KAT2B: variants seen among roughly 807,000 people sequenced by gnomAD.
The protein encoded by KAT2B is histone acetyltransferase KAT2B.
A neutral mutation model predicts 105.9 loss-of-function variants in KAT2B; 36 were observed. The observed-to-expected ratio is 0.34, with a 90% CI of 0.26 to 0.45. KAT2B has a LOEUF of 0.45. Ranked by LOEUF, KAT2B falls within the 20% of genes least tolerant of loss-of-function variation. The probability of loss-of-function intolerance (pLI) is 1.00; values close to 1 mark genes in which losing one functional copy is unlikely to be tolerated. For missense variants in KAT2B, 820 were observed against 1,021.6 expected (o/e 0.80, Z 2.69); for synonymous variants, 397 against 377.9 (o/e 1.05, Z -0.59).
intron 1 of KAT2B, among the ~76,000 whole-genome samples, 163 bp downstream of exon 1, chr3:20,040,943 GCTT>G (rs1289041988): frequency 2.6e-5 from 4 of 152,252 alleles, no homozygotes; most frequent in South Asian, 2.1e-4. Flanking sequence ...CGCCCAATTA[GCTT>G]CTTCTTGGAT....
In KAT2B at chr3:20,095,203, A is replaced by G. The variant is rs1015952208; in HGVS notation, c.431-60A>G. On this transcript the variant is annotated intron_variant, in intron 2 of 17. Coordinates refer to ENST00000263754, the MANE Select transcript of KAT2B (RefSeq NM_003884.5). Reference sequence around the variant, plus strand: ...ATGAAAGAGGACCTTCCACTTAAAAATGGGGAATGTTTGGTTTCCAATTGA... The same window carrying G: ...ATGAAAGAGGACCTTCCACTTAAAAGTGGGGAATGTTTGGTTTCCAATTGA... 7 of 1,405,888 alleles carry G rather than the reference A, an allele frequency of 5.0e-6. No individual in the cohort carries two copies. The Admixed American group carries it at 1.1e-4, about 23-fold the overall frequency. 87.1% of individuals were successfully genotyped at this position (1,405,888 alleles called of 1,614,324 possible).
chr3:20,125,911 TTTC>T lies in KAT2B; in HGVS notation c.1422_1424del (p.Phe474del), dbSNP rs1185083933. The T allele has an allele frequency of 6.2e-7, 1 of 1,613,522 alleles. No individual in the cohort carries two copies. Among genetic ancestry groups the T allele is most frequent in the South Asian group, 1.1e-5 (1 of 91,040 alleles). The stretch of plus-strand genomic sequence containing the variant: ...CCTGTCTCTTGCATCTCAGACCAAT[TTTC>T]TGTCAGCACACTCGGCCAGGGATGA... On this transcript the variant is annotated inframe_deletion, in exon 10 of 18. Transcript: ENST00000263754.
chr3:20,128,878 A>G (rs948118266), intron 11 of KAT2B, among the ~76,000 whole-genome samples: 1 of 151,880 alleles, frequency 6.6e-6, no homozygotes, highest in East Asian at 1.9e-4. Context: ...GTGGTGGCAC[A>G]TGCCCGTAGT....
intron 12 of KAT2B, among the ~76,000 whole-genome samples, chr3:20,138,693 T>C (rs1385202387): frequency 2.0e-5 from 3 of 152,216 alleles, no homozygotes; most frequent in Admixed American, 1.3e-4. Flanking sequence ...GTTCCTTTTT[T>C]GGATTGCTAA....
chr3:20,145,190 A>G lies in KAT2B; in HGVS notation c.2005-1126A>G, dbSNP rs182823094. Among the ~76,000 whole-genome samples the G allele has an allele frequency of 5.9e-5, 9 of 152,346 alleles. No individual in the cohort carries two copies. In the East Asian group the frequency reaches 1.7e-3, roughly 29 times the overall value. On this transcript the variant is annotated intron_variant, in intron 13 of 17. Transcript: ENST00000263754. ...TATGTTACAATGACATTTTAGATAT[A>G]ATGGGTTAAATGAAATACATTATTA...
chr3:20,152,236 T>A lies in KAT2B; in HGVS notation c.2306-96T>A, dbSNP rs775794383. ...AAGCATTGGGATGATAAAAATGTAA[T>A]CAAACCAACAACATAGATTCCTTTC... On this transcript the variant is annotated intron_variant, in intron 17 of 17. Coordinates refer to ENST00000263754, the MANE Select transcript of KAT2B (RefSeq NM_003884.5). 4.0e-6 allele frequency: 3 copies of A among 747,106 alleles called. No homozygotes were observed. The South Asian group carries it at 7.0e-5, about 17-fold the overall frequency. 46.3% of individuals were successfully genotyped at this position (747,106 alleles called of 1,614,324 possible).
At chr3:20,134,513 G>A (rs886846546) in intron 11 of KAT2B, among the ~76,000 whole-genome samples, 26 of 152,040 alleles carry the variant, frequency 1.7e-4, no homozygotes, top group African/African-American at 3.6e-4. Flanking sequence ...GGTTCATGCC[G>A]TTCTCCTGCC....
At chr3:20,083,501 A>G in intron 2 of KAT2B, among the ~76,000 whole-genome samples, 1 of 152,174 alleles carries the variant, frequency 6.6e-6, no homozygotes, top group Admixed American at 6.5e-5. Flanking sequence ...GGTTGGGATT[A>G]ATTAGGAGAC....
In KAT2B at chr3:20,061,944, A is replaced by ATATATTATATATAAAACAT. The variant is rs1559513837; in HGVS notation, c.304-10388_304-10370dup. Among the ~76,000 whole-genome samples, 546 of 119,316 alleles carry ATATATTATATATAAAACAT rather than the reference A, an allele frequency of 4.6e-3. 19 individuals carry two copies. Among genetic ancestry groups the ATATATTATATATAAAACAT allele is most frequent in the Middle Eastern group, 0.01 (2 of 192 alleles). The allele number at this position is 119,316 out of a possible 152,430, so 78.3% of individuals were successfully genotyped here. A position where few individuals can be genotyped will look rare whatever the true frequency, so the allele number is the denominator to read the frequency against. On this transcript the variant is annotated intron_variant, in intron 1 of 17. Transcript: ENST00000263754. ...TTATATATCATATATAAAACATAAT[A>ATATATTATATATAAAACAT]TATATTATATATAAAACATAATATA...
intron 7 of KAT2B, among the ~76,000 whole-genome samples, chr3:20,116,474 T>C (rs1699208874): frequency 6.6e-6 from 1 of 152,194 alleles, no homozygotes. Context: ...TATACTGTTT[T>C]CTGAGTGCCA....
intron 1 of KAT2B, among the ~76,000 whole-genome samples, chr3:20,041,037 G>A (rs969974696): frequency 6.6e-6 from 1 of 152,158 alleles, no homozygotes; most frequent in East Asian, 1.9e-4. Context: ...GAGTAGCTTC[G>A]GCATCCGAGC....
chr3:20,121,224 G>A (rs907368711), intron 8 of KAT2B, among the ~76,000 whole-genome samples: 1 of 152,120 alleles, frequency 6.6e-6, no homozygotes, highest in Non-Finnish European at 1.5e-5. Flanking sequence ...TGGAAGAATC[G>A]TCTACAGTCA....
chr3:20,040,680 G>T lies in KAT2B; in HGVS notation c.203G>T (p.Gly68Val), dbSNP rs776730887. The change falls in exon 1 of 18, where the codon GGA becomes GTA. Residue 68 changes from glycine (G) to valine (V), a missense_variant. Gly to Val is a moderately radical substitution (Grantham distance 109, BLOSUM62 -3). Coordinates refer to ENST00000263754, the MANE Select transcript of KAT2B (RefSeq NM_003884.5). Reference sequence around the variant, plus strand: ...GCAGCGGGCACGGCCGAAGGACCGGGAGGCGGTGGCTCGGCCCGAATCGCC... The same window carrying T: ...GCAGCGGGCACGGCCGAAGGACCGGTAGGCGGTGGCTCGGCCCGAATCGCC... ...VAAAGTAEGPGGGGSARIAVK... is the reference protein window; with the variant it reads ...VAAAGTAEGPVGGGSARIAVK... 37 of 1,565,718 alleles carry T rather than the reference G, an allele frequency of 2.4e-5. No individual in the cohort carries two copies. The highest frequency in any genetic ancestry group is 2.9e-5 in the Non-Finnish European group (34 of 1,161,416).
intron 3 of KAT2B, among the ~76,000 whole-genome samples, chr3:20,097,917 A>G (rs1698839691): frequency 6.6e-6 from 1 of 152,004 alleles, no homozygotes; most frequent in African/African-American, 2.4e-5. Context: ...TGTGTTACAT[A>G]TTTTAGTAGA....
chr3:20,132,614 GTACT>G (rs1355328994), intron 11 of KAT2B, among the ~76,000 whole-genome samples: 1 of 152,176 alleles, frequency 6.6e-6, no homozygotes, highest in South Asian at 2.1e-4. Flanking sequence ...AACCAAGGCA[GTACT>G]TAAACTACCA....
In KAT2B at chr3:20,061,150, C is replaced by A. The variant is rs78622065; in HGVS notation, c.304-11183C>A. 9.8e-3 allele frequency among the ~76,000 whole-genome samples: 1,492 copies of A among 152,286 alleles called. 11 individuals are homozygous for A. Among genetic ancestry groups the A allele is most frequent in the Non-Finnish European group, 0.016 (1,092 of 68,024 alleles). ...TTAAACAGTAACTCCCTCTTCCTTCCTCCAACCCCTCGGCAACCACCATTC... is the reference window on the plus strand; with the variant it reads ...TTAAACAGTAACTCCCTCTTCCTTCATCCAACCCCTCGGCAACCACCATTC... On this transcript the variant is annotated intron_variant, in intron 1 of 17. Coordinates refer to ENST00000263754, the MANE Select transcript of KAT2B (RefSeq NM_003884.5).
At chr3:20,106,556 G>C (rs961279983) in intron 5 of KAT2B, among the ~76,000 whole-genome samples, 3 of 151,930 alleles carry the variant, frequency 2.0e-5, no homozygotes, top group African/African-American at 7.3e-5. Flanking sequence ...GATTAATCTT[G>C]GAAGTTAAGA....
At chr3:20,069,083 C>G (rs1698273642) in intron 1 of KAT2B, among the ~76,000 whole-genome samples, 1 of 152,048 alleles carries the variant, frequency 6.6e-6, no homozygotes, top group African/African-American at 2.4e-5. Flanking sequence ...CCCTGTCAGT[C>G]AGACTAACAG....
chr3:20,073,354 A>G (rs1031371764), intron 2 of KAT2B, among the ~76,000 whole-genome samples: 2 of 152,160 alleles, frequency 1.3e-5, no homozygotes, highest in African/African-American at 4.8e-5. Context: ...GACCATTATA[A>G]GTGGGTGACT....
Sources: gnomAD v4.1 joint callset for allele counts (sites outside exome capture counted in the v4.1 genomes callset) on GRCh38, gnomAD v4.1.1 for gene constraint, MANE v1.5 for transcripts, NCBI Gene and HGNC (gene_info 2026-07-23, HGNC 2026-07-21) for gene names.